Variants in SLC36A1 observed in about 807,000 individuals in gnomAD.
SLC36A1 encodes solute carrier family 36 member 1, also known as proton-coupled amino acid transporter 1.
SLC36A1 carries 30 observed loss-of-function variants against 47.5 expected under a neutral mutation model. The observed-to-expected ratio is 0.63, with a 90% CI of 0.47 to 0.86. The LOEUF (loss-of-function observed/expected upper bound fraction) is 0.86. Ranked by LOEUF, SLC36A1 falls within the 40% of genes least tolerant of loss-of-function variation. SLC36A1 has a pLI of 0.00. For synonymous variants in SLC36A1, 255 were observed against 249.7 expected, an observed-to-expected ratio of 1.02 and a Z score of -0.20; for missense variants, 517 against 606.0, an observed-to-expected ratio of 0.85 and a Z score of 1.54.
chr5:151,543,390 A>G, the SLC36A1 span: 1 of 1,614,054 alleles, frequency 6.2e-7, no homozygotes, highest in Non-Finnish European at 8.5e-7. Context: ...GGGGGTTGTC[A>G]TTTTCATCTG....
chr5:151,364,210 C>A, the SLC36A1 span, among the ~76,000 whole-genome samples: 1 of 152,208 alleles, frequency 6.6e-6, no homozygotes, highest in South Asian at 2.1e-4. Flanking sequence ...CACTCATGAC[C>A]TACCTAGCTT....
At chr5:151,430,065 G>A in the SLC36A1 span, among the ~76,000 whole-genome samples, 5 of 151,766 alleles carry the variant, frequency 3.3e-5, no homozygotes, top group African/African-American at 1.2e-4. Flanking sequence ...CTCAGGCTCT[G>A]TATTAGGAGG....
chr5:151,524,683 C>A, the SLC36A1 span, among the ~76,000 whole-genome samples: 1 of 152,192 alleles, frequency 6.6e-6, no homozygotes, highest in Non-Finnish European at 1.5e-5. Context: ...AGCCACAAGG[C>A]CCACATGATC....
At chr5:151,460,437 C>T (rs952016694) in intron 2 of SLC36A1, among the ~76,000 whole-genome samples, 1 of 152,254 alleles carries the variant, frequency 6.6e-6, no homozygotes, top group East Asian at 1.9e-4. Flanking sequence ...TCTTGGAAAT[C>T]GAACAAATCA....
chr5:151,414,717 G>A, the SLC36A1 span: 1 of 152,120 alleles, frequency 6.6e-6, no homozygotes, highest in Admixed American at 6.6e-5. Context: ...GAAGCATCAG[G>A]AACACACAGC....
At chr5:151,474,860 G>A (rs10042192) in intron 8 of SLC36A1, among the ~76,000 whole-genome samples, 19,382 of 152,204 alleles carry the variant, frequency 0.13, 1,498 homozygotes, top group East Asian at 0.34. Context: ...GCCTCCTCCC[G>A]GCACGGCACT....
rs1756618338 is a variant in SLC36A1 at position 151,467,530 on chromosome 5, A to G, written c.505-177A>G. Among the ~76,000 whole-genome samples the G allele has an allele frequency of 2.0e-5, 3 of 152,130 alleles. No individual in the cohort carries two copies. The South Asian group carries it at 6.2e-4, about 32-fold the overall frequency. On this transcript the variant is annotated intron_variant, in intron 6 of 10. Transcript: ENST00000243389. ...GTACATATGATCAAACCTAGCTCAGACAATTGGGTTGCTGATGATAGTCGT... is the reference window on the plus strand; with the variant it reads ...GTACATATGATCAAACCTAGCTCAGGCAATTGGGTTGCTGATGATAGTCGT...
the SLC36A1 span, among the ~76,000 whole-genome samples, chr5:151,379,216 C>T: frequency 6.6e-6 from 1 of 152,210 alleles, no homozygotes; most frequent in South Asian, 2.1e-4. Flanking sequence ...TGTGTTGTCT[C>T]TTGCTGAGCC....
At chr5:151,475,162 A>T (rs1316257925) in intron 8 of SLC36A1, among the ~76,000 whole-genome samples, 5 of 152,176 alleles carry the variant, frequency 3.3e-5, no homozygotes, top group Non-Finnish European at 5.9e-5. Context: ...CAGAGGCCTG[A>T]GTGGGCCCAT....
At chr5:151,469,114 C>T (rs1756987333) in intron 7 of SLC36A1, 2 of 435,428 alleles carry the variant, frequency 4.6e-6, no homozygotes, top group South Asian at 6.1e-5. Context: ...TACTTAAATT[C>T]AGTTCCCCAA....
chr5:151,496,787 C>A (rs1561800365), downstream of SLC36A1, among the ~76,000 whole-genome samples: 2 of 152,206 alleles, frequency 1.3e-5, no homozygotes, highest in East Asian at 1.9e-4. Context: ...AACTTCTGAC[C>A]TAGGTGATCC....
At position 151,488,103 on chromosome 5, in the gene SLC36A1, A is replaced by G. The variant is rs755818681; in HGVS notation, c.1280A>G (p.Glu427Gly). 1.2e-6 allele frequency: 2 copies of G among 1,614,040 alleles called. No homozygotes were observed. Among genetic ancestry groups the G allele is most frequent in the Non-Finnish European group, 1.7e-6 (2 of 1,180,028 alleles). ...PLLEVTTFYS[E>G]GMSPLTIFKD... ...CTGGAGGTCACCACCTTCTACTCAG[A>G]GGGCATGAGCCCCCTCACCATCTTT... Residue 427 changes from glutamate to glycine, a missense_variant, in exon 11 of 11, where the codon GAG (glutamate) becomes GGG (glycine). Physicochemically the swap from Glu to Gly is moderately conservative, Grantham distance 98 (BLOSUM62 -2). Coordinates refer to ENST00000243389, the MANE Select transcript of SLC36A1 (RefSeq NM_078483.4).
At chr5:151,405,343 CTTTTTTTTTTTTTT>C in the SLC36A1 span, among the ~76,000 whole-genome samples, 1 of 85,234 alleles carries the variant, frequency 1.2e-5, no homozygotes, top group Non-Finnish European at 2.2e-5. Flanking sequence ...CTCTCTTTCT[CTTTTTTTTTTTTTT>C]TTTTTTTTTT....
the SLC36A1 span, among the ~76,000 whole-genome samples, chr5:151,388,501 CAAAAGAAAAA>C: frequency 3.3e-5 from 3 of 90,776 alleles, no homozygotes; most frequent in African/African-American, 1.6e-4. Context: ...AACTCCATCT[CAAAAGAAAAA>C]AAAAAAAAAA....
the SLC36A1 span, chr5:151,521,159 G>A: frequency 9.4e-7 from 1 of 1,060,284 alleles, no homozygotes; most frequent in Non-Finnish European, 1.3e-6. Flanking sequence ...GTGGCCTTTG[G>A]GCTTATTAAA....
At chr5:151,440,744 G>C (rs1752577761) in intron 1 of SLC36A1, among the ~76,000 whole-genome samples, 1 of 152,172 alleles carries the variant, frequency 6.6e-6, no homozygotes, top group African/African-American at 2.4e-5. Context: ...AACCAAGGAG[G>C]GTTTTCAATC....
intron 9 of SLC36A1, among the ~76,000 whole-genome samples, chr5:151,478,949 G>C (rs1434119279): frequency 6.6e-6 from 1 of 152,042 alleles, no homozygotes; most frequent in Non-Finnish European, 1.5e-5. Flanking sequence ...TCATGTGATA[G>C]AGTGATATAT....
intron 1 of SLC36A1, among the ~76,000 whole-genome samples, chr5:151,441,795 T>TA (rs1452351088): frequency 6.6e-6 from 1 of 152,166 alleles, no homozygotes; most frequent in Non-Finnish European, 1.5e-5. Context: ...TGACATACAA[T>TA]AAACTGCACG....
At chr5:151,553,971 T>C in the SLC36A1 span, among the ~76,000 whole-genome samples, 1 of 152,226 alleles carries the variant, frequency 6.6e-6, no homozygotes, top group African/African-American at 2.4e-5. Flanking sequence ...CTACCTGATA[T>C]ATTGGCTTCT....
Sources: allele counts gnomAD v4.1 joint callset (sites outside exome capture counted in the v4.1 genomes callset), GRCh38; gene constraint gnomAD v4.1.1; transcripts MANE v1.5; gene names NCBI Gene and HGNC (gene_info 2026-07-23, HGNC 2026-07-21).